Variants in GADL1 observed in about 807,000 individuals in gnomAD.
GADL1 encodes the protein acidic amino acid decarboxylase GADL1.
In GADL1, 71 loss-of-function variants were observed where a neutral mutation model predicts 69.5. The observed-to-expected ratio is 1.02, with a 90% CI of 0.84 to 1.25. The LOEUF is 1.25. Among genes scored for constraint, GADL1 ranks in the 50% most tolerant of loss-of-function variants. The pLI is 0.00. For synonymous variants in GADL1, 254 were observed against 214.4 expected, an observed-to-expected ratio of 1.18 and a Z score of -1.62; for missense variants, 737 against 631.8, an observed-to-expected ratio of 1.17 and a Z score of -1.79.
intron 14 of GADL1, among the ~76,000 whole-genome samples, chr3:30,759,366 C>T (rs531881525): frequency 1.3e-5 from 2 of 152,168 alleles, no homozygotes; most frequent in Non-Finnish European, 2.9e-5. Flanking sequence ...CTTTCTGTAC[C>T]TCCAGTACTT....
intron 11 of GADL1, among the ~76,000 whole-genome samples, chr3:30,802,507 C>T (rs1697183835): frequency 6.6e-6 from 1 of 152,200 alleles, no homozygotes; most frequent in Admixed American, 6.5e-5. Context: ...TCTCAGTAGA[C>T]ATGGCGGTCC....
intron 6 of GADL1, among the ~76,000 whole-genome samples, chr3:30,847,591 A>G (rs1246395048): frequency 6.6e-6 from 1 of 152,180 alleles, no homozygotes; most frequent in Non-Finnish European, 1.5e-5. Context: ...CTATAACCTG[A>G]CTCTTTGAGT....
intron 11 of GADL1, among the ~76,000 whole-genome samples, chr3:30,832,779 T>C (rs1697813612): frequency 6.6e-6 from 1 of 152,056 alleles, no homozygotes. Flanking sequence ...ACCACAATTT[T>C]GAAACTTAAA....
At chr3:30,881,983 T>A (rs1368785087) in intron 1 of GADL1, among the ~76,000 whole-genome samples, 1 of 151,926 alleles carries the variant, frequency 6.6e-6, no homozygotes, top group Admixed American at 6.6e-5. Flanking sequence ...AATCTTGGAC[T>A]TCTTAGCTCC....
At chr3:30,763,508 GGGGGGT>G (rs1384756415) in intron 14 of GADL1, among the ~76,000 whole-genome samples, 14 of 93,318 alleles carry the variant, frequency 1.5e-4, no homozygotes, top group African/African-American at 5.4e-4. Context: ...TCTCGGCGGC[GGGGGGT>G]GGGGGTGGGG....
At chr3:30,805,059 T>C (rs529591223) in intron 11 of GADL1, among the ~76,000 whole-genome samples, 26 of 152,280 alleles carry the variant, frequency 1.7e-4, no homozygotes, top group African/African-American at 6.0e-4. Context: ...CTCTTTGCAA[T>C]CACAACACCT....
intron 12 of GADL1, among the ~76,000 whole-genome samples, chr3:30,792,065 C>T (rs566694964): frequency 3.3e-5 from 5 of 152,112 alleles, no homozygotes; most frequent in Non-Finnish European, 5.9e-5. Context: ...CGGACTGATA[C>T]ACCCAGTGTA....
intron 8 of GADL1, among the ~76,000 whole-genome samples, chr3:30,841,606 A>G (rs937060606): frequency 6.6e-6 from 1 of 152,186 alleles, no homozygotes; most frequent in African/African-American, 2.4e-5. Flanking sequence ...AGGGAAACAA[A>G]ATGAGGAGGA....
At chr3:30,834,122 T>G (rs993314999) in intron 10 of GADL1, 95 bp downstream of exon 10, 1 of 1,105,550 alleles carries the variant, frequency 9.0e-7, no homozygotes, top group Non-Finnish European at 1.4e-6. Context: ...AGGAAAACAA[T>G]TACTTTGTTT....
Position 30,863,059 on chromosome 3 carries a change from T to A in GADL1, c.38-1294A>T, listed in dbSNP as rs1321966568. 2.0e-5 allele frequency among the ~76,000 whole-genome samples: 3 copies of A among 149,812 alleles called. No individual in the cohort carries two copies. In the East Asian group the frequency reaches 6.0e-4, roughly 30 times the overall value. On this transcript the variant is annotated intron_variant, in intron 1 of 14. Coordinates refer to ENST00000282538, the MANE Select transcript of GADL1 (RefSeq NM_207359.3). ...CACACACACACACACACACACTCTC[T>A]CTCACACTCACACACTCACTCTCTC...
At chr3:30,847,019 A>G (rs1698070367) in intron 6 of GADL1, among the ~76,000 whole-genome samples, 1 of 152,208 alleles carries the variant, frequency 6.6e-6, no homozygotes. Context: ...TTTTAGTGGC[A>G]AATCATAATT....
chr3:30,861,798 A>G, intron 1 of GADL1, 33 bp from the exon 2 acceptor site: 1 of 1,457,840 alleles, frequency 6.9e-7, no homozygotes, highest in Non-Finnish European at 9.3e-7. Context: ...TGTTTGAGAG[A>G]TAATCTAATT....
At chr3:30,788,711 T>TTA (rs1163021409) in intron 12 of GADL1, among the ~76,000 whole-genome samples, 5 of 152,194 alleles carry the variant, frequency 3.3e-5, no homozygotes, top group African/African-American at 1.2e-4. Flanking sequence ...CCAACTAAGT[T>TTA]TATGTAATAT....
chr3:30,801,921 G>A (rs1226535958), intron 11 of GADL1, among the ~76,000 whole-genome samples: 1 of 152,136 alleles, frequency 6.6e-6, no homozygotes, highest in African/African-American at 2.4e-5. Flanking sequence ...TGTACTCAAT[G>A]TCCTTGAACC....
At chr3:30,775,893 T>C (rs1251064867) in intron 14 of GADL1, among the ~76,000 whole-genome samples, 1 of 152,176 alleles carries the variant, frequency 6.6e-6, no homozygotes, top group Admixed American at 6.5e-5. Flanking sequence ...GGTCAAAGCC[T>C]GGCCAACATG....
chr3:30,775,867 C>A (rs1696524858), intron 14 of GADL1, among the ~76,000 whole-genome samples: 1 of 152,134 alleles, frequency 6.6e-6, no homozygotes, highest in South Asian at 2.1e-4. Flanking sequence ...GAGGCCGAGG[C>A]AGGTGGATCA....
At chr3:30,752,424 A>G (rs1172149993) in intron 14 of GADL1, among the ~76,000 whole-genome samples, 1 of 151,216 alleles carries the variant, frequency 6.6e-6, no homozygotes, top group Non-Finnish European at 1.5e-5. Flanking sequence ...TGGGAGTAAC[A>G]ATGGAGTCTG....
chr3:30,845,154 A>G (rs1192686188), intron 6 of GADL1, among the ~76,000 whole-genome samples: 2 of 152,182 alleles, frequency 1.3e-5, no homozygotes, highest in African/African-American at 4.8e-5. Context: ...AAAAGTAATA[A>G]TAGACAAACT....
In GADL1 at chr3:30,850,935, C is replaced by A. The variant is rs372203584; in HGVS notation, c.435G>T (p.Thr145=). The A allele has an allele frequency of 1.7e-5, 26 of 1,519,082 alleles. No homozygotes were observed. The highest frequency in any genetic ancestry group is 2.1e-5 in the Non-Finnish European group (24 of 1,117,932). 94.1% of individuals were successfully genotyped at this position (1,519,082 alleles called of 1,614,324 possible). ...ACAGAAACACTGGGGACACCTCATA[C>A]GTATAACTAGATAGATATAAAAAAC... ...MTEALNPSVY[T]YEVSPVFLLV... is the part of the protein sequence containing the mutation. The change falls in exon 5 of 15, where the codon ACG becomes ACT. Residue 145 remains threonine (T), a synonymous_variant. Transcript: ENST00000282538.
Sources: allele counts gnomAD v4.1 joint callset (sites outside exome capture counted in the v4.1 genomes callset), GRCh38; gene constraint gnomAD v4.1.1; transcripts MANE v1.5; gene names NCBI Gene and HGNC (gene_info 2026-07-23, HGNC 2026-07-21).